Variants in DSCAM observed in about 807,000 individuals in gnomAD.
DSCAM encodes the protein DS cell adhesion molecule.
A neutral mutation model predicts 217.7 loss-of-function variants in DSCAM; 47 were observed. The observed-to-expected ratio is 0.22, with a 90% CI of 0.17 to 0.28. The LOEUF is 0.28. DSCAM is among the 10% of genes least tolerant of loss of function. DSCAM has a pLI of 1.00. For synonymous variants in DSCAM, 1,056 were observed against 1,015.3 expected (o/e 1.04, Z -0.76); for missense variants, 2,080 against 2,618.3 (o/e 0.79, Z 4.49).
At chr21:40,505,133 G>A (rs1044353988) in intron 3 of DSCAM, among the ~76,000 whole-genome samples, 8 of 152,182 alleles carry the variant, frequency 5.3e-5, no homozygotes, top group African/African-American at 1.9e-4. Context: ...TAATGGGAAA[G>A]CCTTAAGACA....
intron 1 of DSCAM, among the ~76,000 whole-genome samples, chr21:40,804,613 T>G (rs1212448254): frequency 1.3e-5 from 2 of 152,152 alleles, no homozygotes. Context: ...CACCCTAACC[T>G]GCCTCCTGCC....
At chr21:40,702,499 T>G (rs1361280203) in intron 2 of DSCAM, among the ~76,000 whole-genome samples, 1 of 152,200 alleles carries the variant, frequency 6.6e-6, no homozygotes, top group Non-Finnish European at 1.5e-5. Flanking sequence ...TATATCATTT[T>G]TATCCTTTTA....
chr21:40,573,214 T>G (rs948801537), intron 3 of DSCAM, among the ~76,000 whole-genome samples: 1 of 152,078 alleles, frequency 6.6e-6, no homozygotes, highest in Non-Finnish European at 1.5e-5. Flanking sequence ...GGCGGGTGAC[T>G]GTAGTCCCAG....
At chr21:40,691,633 G>C (rs2090538897) in intron 3 of DSCAM, among the ~76,000 whole-genome samples, 1 of 152,194 alleles carries the variant, frequency 6.6e-6, no homozygotes, top group East Asian at 1.9e-4. Context: ...ATTAAGCTTA[G>C]TATTTTTCAA....
At chr21:40,200,518 T>C (rs2091059025) in intron 11 of DSCAM, among the ~76,000 whole-genome samples, 2 of 152,252 alleles carry the variant, frequency 1.3e-5, no homozygotes, top group South Asian at 4.1e-4. Flanking sequence ...TTTCAAGATA[T>C]GTGTACACAG....
At chr21:40,816,878 A>G (rs1373673705) in intron 1 of DSCAM, among the ~76,000 whole-genome samples, 1 of 152,130 alleles carries the variant, frequency 6.6e-6, no homozygotes, top group African/African-American at 2.4e-5. Context: ...AAGCTAGAAT[A>G]CACCTATGAG....
At chr21:40,731,545 C>T (rs546006157) in intron 1 of DSCAM, among the ~76,000 whole-genome samples, 2 of 152,168 alleles carry the variant, frequency 1.3e-5, no homozygotes, top group East Asian at 3.9e-4. Context: ...TTTGCAGTAT[C>T]CACAGGGTTG....
intron 1 of DSCAM, among the ~76,000 whole-genome samples, chr21:40,789,527 T>C (rs2091620730): frequency 6.6e-6 from 1 of 151,546 alleles, no homozygotes; most frequent in Admixed American, 6.6e-5. Context: ...AATTAAAATG[T>C]CACACATGAT....
At chr21:40,698,011 C>T (rs1427953485) in intron 2 of DSCAM, among the ~76,000 whole-genome samples, 1 of 152,142 alleles carries the variant, frequency 6.6e-6, no homozygotes, top group African/African-American at 2.4e-5. Context: ...CAATTTCTTT[C>T]ATACTTCTTT....
intron 16 of DSCAM, among the ~76,000 whole-genome samples, chr21:40,166,988 GA>G (rs5844004): frequency 4.2e-4 from 62 of 147,106 alleles, no homozygotes; most frequent in Admixed American, 7.4e-4. Flanking sequence ...ATTCAAGGAA[GA>G]AAAAAAAAAA....
intron 16 of DSCAM, among the ~76,000 whole-genome samples, chr21:40,149,888 A>C (rs13046032): frequency 0.75 from 111,130 of 147,214 alleles, 42,429 homozygotes; most frequent in South Asian, 0.83. Flanking sequence ...ACATCACTAT[A>C]ACGACAACCA....
intron 3 of DSCAM, among the ~76,000 whole-genome samples, chr21:40,514,953 T>C (rs2076288292): frequency 6.6e-6 from 1 of 152,186 alleles, no homozygotes; most frequent in Non-Finnish European, 1.5e-5. Flanking sequence ...GCTAAACTAA[T>C]GCAGCCTATA....
intron 3 of DSCAM, among the ~76,000 whole-genome samples, chr21:40,682,390 T>C (rs1568981229): frequency 6.6e-6 from 1 of 151,568 alleles, no homozygotes; most frequent in Non-Finnish European, 1.5e-5. Flanking sequence ...CACCGAAATA[T>C]TCAGAGAGAA....
intron 3 of DSCAM, among the ~76,000 whole-genome samples, chr21:40,552,113 A>T (rs985206126): frequency 6.6e-6 from 1 of 152,100 alleles, no homozygotes; most frequent in African/African-American, 2.4e-5. Context: ...CAGGGGTTCA[A>T]GACCAGCCTG....
intron 2 of DSCAM, among the ~76,000 whole-genome samples, chr21:40,694,594 T>C (rs1601855483): frequency 6.6e-6 from 1 of 152,112 alleles, no homozygotes; most frequent in South Asian, 2.1e-4. Context: ...TTCTTCATTA[T>C]TGTATCTAAC....
rs1273801606 is a variant in DSCAM at position 40,312,334 on chromosome 21, C to T, written c.1809G>A (p.Glu603=). ...VKVPPFIQPF[E]FPRFSIGQRV... ...GCTGCCCAATGGAGAATCTTGGAAA[C>T]TCAAAGGGTTGTATGAAAGGCGGAA... Residue 603 remains glutamate (E), a synonymous_variant, in exon 9 of 33, where the codon GAG becomes GAA. Transcript: ENST00000400454. The T allele has an allele frequency of 1.2e-6, 2 of 1,613,928 alleles. No homozygotes were observed. The highest frequency in any genetic ancestry group is 8.5e-7 in the Non-Finnish European group (1 of 1,179,932).
intron 1 of DSCAM, among the ~76,000 whole-genome samples, chr21:40,774,182 C>T (rs2091469087): frequency 6.6e-6 from 1 of 152,164 alleles, no homozygotes; most frequent in Admixed American, 6.5e-5. Context: ...GCCCTAAGAC[C>T]AATCTTTTTT....
intron 16 of DSCAM, among the ~76,000 whole-genome samples, chr21:40,155,843 G>A (rs923137828): frequency 6.6e-6 from 1 of 151,972 alleles, no homozygotes; most frequent in Admixed American, 6.6e-5. Context: ...ATGTCTTGAT[G>A]AGAAAAGGCA....
In DSCAM at chr21:40,189,166, G is replaced by A. The variant is rs748331627; in HGVS notation, c.2429C>T (p.Thr810Met). 48 of 1,613,696 alleles carry A rather than the reference G, an allele frequency of 3.0e-5. No homozygotes were observed. The highest frequency in any genetic ancestry group is 7.7e-5 in the South Asian group (7 of 90,978). ...TQGQKKEMSC[T>M]AHGEKPIIVR... ...TATAATGGGCTTCTCACCATGCGCCGTGCAGCTCATCTCCTTTTTCTGCCC... is the reference window on the plus strand; with the variant it reads ...TATAATGGGCTTCTCACCATGCGCCATGCAGCTCATCTCCTTTTTCTGCCC... The change falls in exon 12 of 33, where the codon ACG becomes ATG. Residue 810 changes from threonine to methionine, a missense_variant. Coordinates refer to ENST00000400454, the MANE Select transcript of DSCAM (RefSeq NM_001389.5).
Sources: allele counts gnomAD v4.1 joint callset (sites outside exome capture counted in the v4.1 genomes callset), GRCh38; gene constraint gnomAD v4.1.1; transcripts MANE v1.5; gene names NCBI Gene and HGNC (gene_info 2026-07-23, HGNC 2026-07-21).